The following LAMC3 variants were observed in gnomAD, a reference collection of about 807,000 sequenced individuals.
LAMC3 encodes laminin subunit gamma-3.
Under a neutral mutation model 173.8 loss-of-function variants are expected in LAMC3, and 128 were observed. The ratio of observed to expected loss-of-function variants is 0.74; its 90% CI spans 0.64 to 0.85. The LOEUF (loss-of-function observed/expected upper bound fraction) is 0.85, where lower values mean the gene tolerates loss of function less well. Among genes scored for constraint, LAMC3 ranks in the 40% least tolerant of loss-of-function variants. The probability of loss-of-function intolerance (pLI) is 0.00; values close to 1 mark genes in which losing one functional copy is unlikely to be tolerated. For synonymous variants in LAMC3, 897 were observed against 909.1 expected, an observed-to-expected ratio of 0.99 and a Z score of 0.24; for missense variants, 2,022 against 2,156.0, an observed-to-expected ratio of 0.94 and a Z score of 1.23.
intron 1 of LAMC3, among the ~76,000 whole-genome samples, chr9:131,014,866 C>T (rs970320359): frequency 3.3e-5 from 5 of 152,098 alleles, no homozygotes; most frequent in Admixed American, 6.6e-5. Context: ...GCCTGTAGTC[C>T]CAGCTACTTG....
In LAMC3 at chr9:131,045,531, C is replaced by T; in HGVS notation, c.1390C>T (p.Pro464Ser). The change falls in exon 8 of 28, where the codon CCG becomes TCG. Residue 464 changes from proline to serine, a missense_variant. Physicochemically the swap from Pro to Ser is moderately conservative, Grantham distance 74 (BLOSUM62 -1). Transcript: ENST00000361069. The part of the protein sequence containing the change: ...VEGNLCDRCR[P>S]GTFNLQPHNP... ...GTCCTGCCTCCATTTCAGATGTCGCCCGGGGACCTTTAACCTGCAGCCCCA... is the reference window on the plus strand; with the variant it reads ...GTCCTGCCTCCATTTCAGATGTCGCTCGGGGACCTTTAACCTGCAGCCCCA... The T allele has an allele frequency of 6.2e-7, 1 of 1,613,726 alleles. No individual in the cohort carries two copies. The highest frequency in any genetic ancestry group is 8.5e-7 in the Non-Finnish European group (1 of 1,180,032).
At chr9:131,086,978 G>C (rs1830343038) in intron 25 of LAMC3, among the ~76,000 whole-genome samples, 1 of 152,152 alleles carries the variant, frequency 6.6e-6, no homozygotes, top group African/African-American at 2.4e-5. Flanking sequence ...TCCTGCCTCA[G>C]CCTCCCAAAG....
chr9:131,035,463 A>G lies in LAMC3; in HGVS notation c.810-703A>G, dbSNP rs568818837. Among the ~76,000 whole-genome samples, 204 of 152,228 alleles carry G rather than the reference A, an allele frequency of 1.3e-3. 1 individual carries two copies. The highest frequency in any genetic ancestry group is 4.6e-3 in the African/African-American group (190 of 41,526). On this transcript the variant is annotated intron_variant, in intron 3 of 27. Coordinates refer to ENST00000361069, the MANE Select transcript of LAMC3 (RefSeq NM_006059.4). ...TGACGGGTGGGTGCCACACGCTTCT[A>G]AACAACCAGATCTCATGAGAACTCA...
chr9:131,010,977 C>G (rs1189287698), intron 1 of LAMC3, among the ~76,000 whole-genome samples: 1 of 152,240 alleles, frequency 6.6e-6, no homozygotes. Context: ...GGGCTGGTAT[C>G]ACTGGTTAGA....
Position 131,032,032 on chromosome 9 carries a change from C to T in LAMC3, c.679-13C>T, listed in dbSNP as rs1208561000. On this transcript the variant is annotated splice_polypyrimidine_tract_variant and intron_variant, in intron 2 of 27. Transcript: ENST00000361069. The stretch of plus-strand genomic sequence containing the variant: ...AGGAACCTGCTGATGGCACCCTCTC[C>T]CCTCTGCCCCAGGAGTGGGTCACCA... 18 of 1,614,028 alleles carry T rather than the reference C, an allele frequency of 1.1e-5. No homozygotes were observed. The Admixed American group carries it at 3.0e-4, about 27-fold the overall frequency.
At chr9:131,081,811 C>T (rs1000761515) in intron 23 of LAMC3, among the ~76,000 whole-genome samples, 18 of 152,192 alleles carry the variant, frequency 1.2e-4, no homozygotes, top group Admixed American at 5.2e-4. Context: ...CAGGTGTTCT[C>T]GTTCCTTTAA....
At chr9:131,049,800 A>T (rs912519854) in intron 9 of LAMC3, among the ~76,000 whole-genome samples, 4 of 152,198 alleles carry the variant, frequency 2.6e-5, no homozygotes, top group African/African-American at 9.6e-5. Flanking sequence ...GGGCCATGGC[A>T]TTCTTGCAAA....
rs1830055976 is a variant in LAMC3 at position 131,072,710 on chromosome 9, A to G, written c.3292A>G (p.Asn1098Asp). The part of the protein sequence containing the change: ...KAAREQLQRL[N>D]KGARCAQAGS... Reference sequence around the variant, plus strand: ...CGCCCGGGAGCAGCTGCAGAGGCTGAACAAGGGTGCCCGCTGTGCCCAGGC... The same window carrying G: ...CGCCCGGGAGCAGCTGCAGAGGCTGGACAAGGGTGCCCGCTGTGCCCAGGC... Residue 1098 changes from asparagine (N) to aspartate (D), a missense_variant, in exon 19 of 28, where the codon AAC becomes GAC. Transcript: ENST00000361069. The G allele has an allele frequency of 1.2e-6, 2 of 1,612,302 alleles. No homozygotes were observed. The highest frequency in any genetic ancestry group is 1.7e-5 in the Admixed American group (1 of 59,910).
intron 7 of LAMC3, among the ~76,000 whole-genome samples, chr9:131,042,965 C>G (rs977343700): frequency 1.4e-5 from 2 of 144,450 alleles, no homozygotes; most frequent in Admixed American, 6.7e-5. Flanking sequence ...GATGGCATAC[C>G]CATGGCAGAC....
intron 7 of LAMC3, among the ~76,000 whole-genome samples, chr9:131,044,139 A>C (rs1834105844): frequency 6.6e-6 from 1 of 151,584 alleles, no homozygotes; most frequent in South Asian, 2.1e-4. Flanking sequence ...TTGTATTTTT[A>C]GTAGAGATGG....
intron 7 of LAMC3, among the ~76,000 whole-genome samples, chr9:131,043,747 A>G (rs1834097812): frequency 6.6e-6 from 1 of 152,238 alleles, no homozygotes; most frequent in Non-Finnish European, 1.5e-5. Flanking sequence ...CAGACCTCAC[A>G]GTGGTAATTG....
At chr9:131,034,700 T>G (rs1324775233) in intron 3 of LAMC3, among the ~76,000 whole-genome samples, 1 of 152,242 alleles carries the variant, frequency 6.6e-6, no homozygotes, top group Non-Finnish European at 1.5e-5. Context: ...GCTATTGCCT[T>G]GGCCAGGGGC....
intron 12 of LAMC3, among the ~76,000 whole-genome samples, chr9:131,059,263 TG>T (rs900673235): frequency 2.0e-5 from 3 of 150,226 alleles, no homozygotes; most frequent in African/African-American, 2.5e-5. Context: ...GAGGCCGAGG[TG>T]GGCAGATCAT....
chr9:131,085,775 G>A lies in LAMC3; in HGVS notation c.4230+52G>A, dbSNP rs370112013. 85 of 1,561,216 alleles carry A rather than the reference G, an allele frequency of 5.4e-5. No homozygotes were observed. The African/African-American group carries it at 8.1e-4, about 15-fold the overall frequency. On this transcript the variant is annotated intron_variant, in intron 25 of 27. Transcript: ENST00000361069. ...GGCCTCCTTCCCTCCCGGGGGGACC[G>A]CCCTTCCGCGGGCCCCTTCCCGACA...
At chr9:131,064,747 T>C (rs1031077510) in intron 13 of LAMC3, among the ~76,000 whole-genome samples, 23 of 148,260 alleles carry the variant, frequency 1.6e-4, no homozygotes, top group Admixed American at 6.7e-4. Flanking sequence ...GAAAAAAACA[T>C]GTGAGCAGCC....
chr9:131,068,135 C>T lies in LAMC3; in HGVS notation c.2651C>T (p.Thr884Ile). The change falls in exon 15 of 28, where the codon ACA (threonine) becomes ATA (isoleucine). Residue 884 changes from threonine to isoleucine, a missense_variant. By Grantham distance (89) the Thr-to-Ile change is moderately conservative. Coordinates refer to ENST00000361069, the MANE Select transcript of LAMC3 (RefSeq NM_006059.4). ...VSEQMPCDPVTGQCSCLPHVT... is the reference protein window; with the variant it reads ...VSEQMPCDPVIGQCSCLPHVT... ...GAGCAGATGCCCTGCGACCCAGTGACAGGCCAATGCTCCTGCCTGCCTCAT... is the reference window on the plus strand; with the variant it reads ...GAGCAGATGCCCTGCGACCCAGTGATAGGCCAATGCTCCTGCCTGCCTCAT... 6.2e-7 allele frequency: 1 copy of T among 1,613,286 alleles called. No homozygotes were observed. The highest frequency in any genetic ancestry group is 8.5e-7 in the Non-Finnish European group (1 of 1,180,038).
intron 27 of LAMC3, among the ~76,000 whole-genome samples, chr9:131,088,261 T>G (rs1193870506): frequency 6.6e-6 from 1 of 152,206 alleles, no homozygotes; most frequent in Non-Finnish European, 1.5e-5. Flanking sequence ...CTGTCCCTTC[T>G]TTGGCCATTA....
At chr9:131,077,376 A>T (rs1325741490) in intron 22 of LAMC3, 42 bp downstream of exon 22, 1 of 1,609,700 alleles carries the variant, frequency 6.2e-7, no homozygotes, top group Non-Finnish European at 8.5e-7. Context: ...GGTCGGGAGG[A>T]TCTATTATAG....
chr9:131,077,903 A>T (rs1198793984), intron 22 of LAMC3, among the ~76,000 whole-genome samples: 1 of 152,042 alleles, frequency 6.6e-6, no homozygotes, highest in African/African-American at 2.4e-5. Context: ...TTACAGTGAC[A>T]TTAGCAGTGT....
Sources: gnomAD v4.1 joint callset for allele counts (sites outside exome capture counted in the v4.1 genomes callset) on GRCh38, gnomAD v4.1.1 for gene constraint, MANE v1.5 for transcripts, NCBI Gene and HGNC (gene_info 2026-07-23, HGNC 2026-07-21) for gene names.